FER: variants seen among roughly 807,000 people sequenced by gnomAD.
FER encodes tyrosine-protein kinase Fer.
In FER, 63 loss-of-function variants were observed where a neutral mutation model predicts 111.0. The ratio of observed to expected loss-of-function variants is 0.57; its 90% CI spans 0.46 to 0.70. FER has a LOEUF of 0.70. FER is among the 30% of genes least tolerant of loss of function. The pLI, the probability that FER is intolerant of heterozygous loss-of-function variation, is 0.00. For missense variants in FER, 914 were observed against 954.0 expected, an observed-to-expected ratio of 0.96 and a Z score of 0.55; for synonymous variants, 327 against 313.9, an observed-to-expected ratio of 1.04 and a Z score of -0.44.
intron 2 of FER, among the ~76,000 whole-genome samples, chr5:108,795,933 C>T (rs557984135): frequency 9.9e-5 from 15 of 152,130 alleles, no homozygotes; most frequent in African/African-American, 2.7e-4. Context: ...TGTGGCTGTT[C>T]GACAGAGTCT....
At chr5:108,794,533 C>G (rs1175864415) in intron 2 of FER, among the ~76,000 whole-genome samples, 3 of 136,808 alleles carry the variant, frequency 2.2e-5, no homozygotes, top group Admixed American at 7.4e-5. Context: ...CGCACCCCCC[C>G]CCCTCCCCGC....
intron 5 of FER, among the ~76,000 whole-genome samples, chr5:108,837,116 G>A (rs997474769): frequency 3.3e-5 from 5 of 152,302 alleles, no homozygotes; most frequent in South Asian, 2.1e-4. Flanking sequence ...ACAGGCTTTG[G>A]AGTCAGAGAG....
intron 16 of FER, among the ~76,000 whole-genome samples, chr5:109,085,309 T>C (rs891246796): frequency 3.3e-5 from 5 of 151,734 alleles, no homozygotes; most frequent in African/African-American, 1.2e-4. Flanking sequence ...CTCCAAAGTA[T>C]TTTGTTATTT....
intron 16 of FER, among the ~76,000 whole-genome samples, chr5:109,097,752 T>A (rs1747718194): frequency 6.6e-6 from 1 of 151,888 alleles, no homozygotes; most frequent in African/African-American, 2.4e-5. Flanking sequence ...GTGTCCTAAC[T>A]TTAGTCCCAT....
intron 16 of FER, among the ~76,000 whole-genome samples, chr5:109,068,236 T>G (rs1336597903): frequency 1.4e-5 from 2 of 147,554 alleles, no homozygotes. Context: ...CAGGCTGGAG[T>G]GTAGCGGCAC....
At chr5:108,923,021 GTT>G (rs1447657897) in intron 10 of FER, among the ~76,000 whole-genome samples, 1 of 152,102 alleles carries the variant, frequency 6.6e-6, no homozygotes, top group African/African-American at 2.4e-5. Context: ...CTTTGGGCAA[GTT>G]AAACTTTCTG....
chr5:109,181,777 ATTACT>A (rs1758317796), intron 18 of FER, among the ~76,000 whole-genome samples: 2 of 152,176 alleles, frequency 1.3e-5, no homozygotes, highest in South Asian at 2.1e-4. Flanking sequence ...CATAAAATTA[ATTACT>A]TTAAAGTGAA....
At chr5:109,077,459 A>G (rs887743219) in intron 16 of FER, among the ~76,000 whole-genome samples, 8 of 152,224 alleles carry the variant, frequency 5.3e-5, no homozygotes, top group African/African-American at 1.9e-4. Context: ...TTAAAATAAT[A>G]TACATATCTT....
At chr5:109,140,788 T>A (rs560459243) in intron 17 of FER, among the ~76,000 whole-genome samples, 2 of 152,294 alleles carry the variant, frequency 1.3e-5, no homozygotes, top group East Asian at 3.9e-4. Flanking sequence ...TGGAGTATAT[T>A]TAAATCATAA....
intron 16 of FER, among the ~76,000 whole-genome samples, chr5:109,088,755 T>G (rs1777838034): frequency 6.6e-6 from 1 of 152,128 alleles, no homozygotes; most frequent in Admixed American, 6.5e-5. Flanking sequence ...TATTTCTGGA[T>G]TACCTACTAG....
intron 10 of FER, among the ~76,000 whole-genome samples, chr5:108,911,232 G>T (rs1049447810): frequency 6.6e-6 from 1 of 151,942 alleles, no homozygotes; most frequent in African/African-American, 2.4e-5. Context: ...TGATGTTGAG[G>T]TTTTTTTCAT....
intron 16 of FER, among the ~76,000 whole-genome samples, chr5:109,061,014 T>G (rs1774349785): frequency 1.3e-5 from 2 of 152,130 alleles, no homozygotes; most frequent in South Asian, 4.1e-4. Flanking sequence ...ACCTGATACT[T>G]GTGTAGTCAA....
intron 17 of FER, among the ~76,000 whole-genome samples, chr5:109,123,731 T>C (rs1219121282): frequency 6.6e-6 from 1 of 152,228 alleles, no homozygotes; most frequent in African/African-American, 2.4e-5. Context: ...TATCTTCTTA[T>C]ATTATCGATC....
At chr5:108,816,787 A>G (rs1194585174) in intron 3 of FER, among the ~76,000 whole-genome samples, 1 of 152,106 alleles carries the variant, frequency 6.6e-6, no homozygotes, top group African/African-American at 2.4e-5. Flanking sequence ...CTTAGAGCCA[A>G]TAATTGGTAT....
At chr5:109,034,014 T>C (rs978760275) in intron 13 of FER, among the ~76,000 whole-genome samples, 17 of 152,134 alleles carry the variant, frequency 1.1e-4, no homozygotes, top group Non-Finnish European at 2.1e-4. Flanking sequence ...GAGCTTTTTG[T>C]AGCAATTTTG....
intron 12 of FER, among the ~76,000 whole-genome samples, chr5:108,955,911 A>G (rs745734768): frequency 1.6e-4 from 24 of 151,824 alleles, no homozygotes; most frequent in Non-Finnish European, 5.9e-5. Flanking sequence ...CACATACCAT[A>G]CAATTAATCA....
At chr5:108,906,334 ATCCT>A (rs1040831292) in intron 10 of FER, among the ~76,000 whole-genome samples, 48 of 152,264 alleles carry the variant, frequency 3.2e-4, no homozygotes, top group African/African-American at 1.1e-3. Context: ...TTAAGCATAA[ATCCT>A]TCCTTTTAAA....
intron 5 of FER, among the ~76,000 whole-genome samples, chr5:108,845,041 C>CACAT (rs1761848462): frequency 6.5e-5 from 3 of 46,392 alleles, no homozygotes; most frequent in Non-Finnish European, 1.2e-4. Flanking sequence ...TATATATATA[C>CACAT]ATATATATAT....
At chr5:108,834,195 C>T (rs191890942) in intron 4 of FER, among the ~76,000 whole-genome samples, 2 of 151,886 alleles carry the variant, frequency 1.3e-5, no homozygotes, top group South Asian at 2.1e-4. Context: ...TTCACATATT[C>T]CTTCATCTTT....
Sources: allele counts gnomAD v4.1 joint callset (sites outside exome capture counted in the v4.1 genomes callset), GRCh38; gene constraint gnomAD v4.1.1; transcripts MANE v1.5; gene names NCBI Gene and HGNC (gene_info 2026-07-23, HGNC 2026-07-21).